The following DPP10 variants were observed in gnomAD, a reference collection of about 807,000 sequenced individuals.
DPP10 encodes inactive dipeptidyl peptidase 10.
DPP10 carries 33 observed loss-of-function variants against 120.9 expected under a neutral mutation model. That is an observed-to-expected ratio of 0.27 (90% CI 0.21 to 0.37). DPP10 has a LOEUF of 0.37. Among genes scored for constraint, DPP10 ranks in the 10% least tolerant of loss-of-function variants. The pLI is 1.00. For missense variants in DPP10, 816 were observed against 942.8 expected, an observed-to-expected ratio of 0.87 and a Z score of 1.76; for synonymous variants, 337 against 326.1, an observed-to-expected ratio of 1.03 and a Z score of -0.36.
intron 1 of DPP10, among the ~76,000 whole-genome samples, chr2:115,160,171 T>G (rs1232128535): frequency 6.6e-6 from 1 of 152,224 alleles, no homozygotes; most frequent in East Asian, 1.9e-4. Context: ...TTTATGCTTT[T>G]GCAACTTGCA....
intron 1 of DPP10, among the ~76,000 whole-genome samples, chr2:114,595,621 C>A (rs1691842598): frequency 6.6e-6 from 1 of 152,070 alleles, no homozygotes; most frequent in Non-Finnish European, 1.5e-5. Flanking sequence ...AAAGCCAACC[C>A]ATATAGTCTG....
intron 1 of DPP10, among the ~76,000 whole-genome samples, chr2:114,573,981 G>C (rs1689854333): frequency 6.6e-6 from 1 of 152,162 alleles, no homozygotes; most frequent in Non-Finnish European, 1.5e-5. Context: ...TGATCGTGGT[G>C]AAAGAGGAAT....
At position 114,486,020 on chromosome 2, in the gene DPP10, T is replaced by C. The variant is rs529367349; in HGVS notation, c.60+43182T>C. Among the ~76,000 whole-genome samples the C allele has an allele frequency of 5.9e-5, 9 of 152,308 alleles. No individual in the cohort carries two copies. The South Asian group carries it at 1.0e-3, about 18-fold the overall frequency. On this transcript the variant is annotated intron_variant, in intron 1 of 25. Transcript: ENST00000410059. ...CTCTCTGATACAATTTGGGAGAACA[T>C]TGAACTTACTGGAAGATTCGTTAGT...
chr2:114,791,537 C>T (rs1398618226), intron 1 of DPP10, among the ~76,000 whole-genome samples: 7 of 152,022 alleles, frequency 4.6e-5, no homozygotes, highest in Admixed American at 1.3e-4. Context: ...TTTCACTTTT[C>T]GCTTGGGCTT....
chr2:115,381,626 G>A (rs992408748), intron 3 of DPP10, among the ~76,000 whole-genome samples: 33 of 152,300 alleles, frequency 2.2e-4, no homozygotes, highest in East Asian at 5.8e-4. Flanking sequence ...GAGGAGAGAC[G>A]CTCTGCTTTT....
intron 7 of DPP10, among the ~76,000 whole-genome samples, chr2:115,695,477 T>A (rs1191862457): frequency 6.6e-6 from 1 of 152,038 alleles, no homozygotes; most frequent in Non-Finnish European, 1.5e-5. Flanking sequence ...AAGAGCAAAG[T>A]CACGTCTTAC....
At chr2:115,084,282 C>T (rs974218472) in intron 1 of DPP10, among the ~76,000 whole-genome samples, 2 of 152,172 alleles carry the variant, frequency 1.3e-5, no homozygotes, top group Non-Finnish European at 2.9e-5. Context: ...TTAACAACAA[C>T]AAAAACACAT....
At chr2:115,019,357 C>T (rs1159218165) in intron 1 of DPP10, among the ~76,000 whole-genome samples, 2 of 151,932 alleles carry the variant, frequency 1.3e-5, no homozygotes, top group African/African-American at 2.4e-5. Context: ...ATCAAAGACA[C>T]AGAGAAATGC....
At chr2:114,914,302 G>T (rs1293003246) in intron 1 of DPP10, among the ~76,000 whole-genome samples, 1 of 152,168 alleles carries the variant, frequency 6.6e-6, no homozygotes, top group Non-Finnish European at 1.5e-5. Context: ...ATTAAAGGCA[G>T]CTAGAGAGAA....
intron 1 of DPP10, among the ~76,000 whole-genome samples, chr2:114,660,864 A>C (rs1439976396): frequency 6.6e-6 from 1 of 152,222 alleles, no homozygotes; most frequent in Non-Finnish European, 1.5e-5. Context: ...AATGAACTGC[A>C]ACTCTTACTT....
intron 3 of DPP10, among the ~76,000 whole-genome samples, chr2:115,349,065 C>G (rs1307669734): frequency 6.6e-6 from 1 of 152,042 alleles, no homozygotes; most frequent in African/African-American, 2.4e-5. Flanking sequence ...TAAATAGTTT[C>G]ATTATAATGA....
chr2:115,796,933 G>A (rs1684598962), intron 19 of DPP10, among the ~76,000 whole-genome samples: 1 of 151,998 alleles, frequency 6.6e-6, no homozygotes, highest in South Asian at 2.1e-4. Flanking sequence ...TCTATTTTCT[G>A]TATTAAAACC....
intron 1 of DPP10, among the ~76,000 whole-genome samples, chr2:115,206,844 G>A (rs1403999533): frequency 6.6e-6 from 1 of 152,210 alleles, no homozygotes; most frequent in Non-Finnish European, 1.5e-5. Context: ...GTCCAATCTA[G>A]ATACAGGCTA....
At chr2:115,481,880 G>C (rs1362999695) in intron 3 of DPP10, among the ~76,000 whole-genome samples, 1 of 151,842 alleles carries the variant, frequency 6.6e-6, no homozygotes, top group Non-Finnish European at 1.5e-5. Context: ...AATACTATTT[G>C]TAGAGCCCTA....
intron 1 of DPP10, among the ~76,000 whole-genome samples, chr2:114,611,908 T>G (rs1693315158): frequency 6.6e-6 from 1 of 152,216 alleles, no homozygotes; most frequent in Admixed American, 6.5e-5. Context: ...TTTACTCATC[T>G]GTAAAACAGA....
chr2:114,570,162 T>A (rs1040700568), intron 1 of DPP10, among the ~76,000 whole-genome samples: 1 of 152,172 alleles, frequency 6.6e-6, no homozygotes, highest in Non-Finnish European at 1.5e-5. Flanking sequence ...TGCTATATAT[T>A]GAAAACAGAT....
chr2:114,845,827 C>T (rs1688506421), intron 1 of DPP10, among the ~76,000 whole-genome samples: 2 of 152,142 alleles, frequency 1.3e-5, no homozygotes, highest in South Asian at 2.1e-4. Flanking sequence ...TCTCTTGTGG[C>T]TGGGCAAATG....
chr2:115,199,101 A>G (rs2055500924), intron 1 of DPP10, among the ~76,000 whole-genome samples: 1 of 152,162 alleles, frequency 6.6e-6, no homozygotes, highest in East Asian at 1.9e-4. Flanking sequence ...GACCTATTAA[A>G]GTTCAGATAT....
intron 10 of DPP10, chr2:115,750,152 C>G (rs1678516238): frequency 1.0e-6 from 1 of 985,378 alleles, no homozygotes; most frequent in Non-Finnish European, 1.2e-6. Context: ...AGGAGGACAG[C>G]TACATCTGCA....
Sources: allele counts gnomAD v4.1 joint callset (sites outside exome capture counted in the v4.1 genomes callset), GRCh38; gene constraint gnomAD v4.1.1; transcripts MANE v1.5; gene names NCBI Gene and HGNC (gene_info 2026-07-23, HGNC 2026-07-21).